Variants in SLC41A1 observed in about 807,000 individuals in gnomAD.
SLC41A1 encodes the protein solute carrier family 41 member 1.
Under a neutral mutation model 47.3 loss-of-function variants are expected in SLC41A1, and 20 were observed. That is an observed-to-expected ratio of 0.42 (90% CI 0.30 to 0.61). SLC41A1 has a LOEUF of 0.61. SLC41A1 is among the 20% of genes least tolerant of loss of function. The pLI, the probability that SLC41A1 is intolerant of heterozygous loss-of-function variation, is 0.17. For synonymous variants in SLC41A1, 282 were observed against 272.7 expected, an observed-to-expected ratio of 1.03 and a Z score of -0.34; for missense variants, 504 against 674.1, an observed-to-expected ratio of 0.75 and a Z score of 2.79.
At chr1:205,793,728 T>C (rs993149830) in intron 10 of SLC41A1, among the ~76,000 whole-genome samples, 1 of 152,086 alleles carries the variant, frequency 6.6e-6, no homozygotes, top group Non-Finnish European at 1.5e-5. Flanking sequence ...TAAACTTAAA[T>C]GAAAAATGCA....
intron 10 of SLC41A1, among the ~76,000 whole-genome samples, chr1:205,794,415 G>C (rs963915527): frequency 7.2e-5 from 11 of 152,164 alleles, no homozygotes; most frequent in Non-Finnish European, 1.5e-4. Flanking sequence ...GAATGGCAAG[G>C]CTACACAGGA....
chr1:205,800,490 A>G (rs1655854193), intron 3 of SLC41A1, among the ~76,000 whole-genome samples: 1 of 152,154 alleles, frequency 6.6e-6, no homozygotes, highest in Non-Finnish European at 1.5e-5. Context: ...CTGTTTCCTT[A>G]AAGAAGAGCA....
rs776783815 is a variant in SLC41A1 at position 205,798,042 on chromosome 1, C to G, written c.854G>C (p.Arg285Pro). ...AGCACACACCAGTGGGTAGATGTATCGCCAGTGATCTGAGAGGGCAGAGGT... is the reference window on the plus strand; with the variant it reads ...AGCACACACCAGTGGGTAGATGTATGGCCAGTGATCTGAGAGGGCAGAGGT... ...WGLYLELNHW[R>P]YIYPLVCAFF... Residue 285 changes from arginine (R) to proline (P), a missense_variant, in exon 7 of 11, where the codon CGA becomes CCA. Coordinates refer to ENST00000367137, the MANE Select transcript of SLC41A1 (RefSeq NM_173854.6). The G allele has an allele frequency of 1.2e-6, 2 of 1,614,014 alleles. No homozygotes were observed. The highest frequency in any genetic ancestry group is 1.3e-5 in the African/African-American group (1 of 74,900).
chr1:205,793,812 C>T (rs1344967319), intron 10 of SLC41A1, among the ~76,000 whole-genome samples: 2 of 151,980 alleles, frequency 1.3e-5, no homozygotes, highest in African/African-American at 4.8e-5. Context: ...TATATGTTTA[C>T]TTTTATAAAT....
In SLC41A1 at chr1:205,791,776, G is replaced by A; in HGVS notation, c.1357-58C>T. The stretch of plus-strand genomic sequence containing the variant: ...TCCTCTCTCTCCAGGGGGAGCCAGA[G>A]GCCACATGATCAGACCCATTCAGTG... On this transcript the variant is annotated intron_variant, in intron 10 of 10. Coordinates refer to ENST00000367137, the MANE Select transcript of SLC41A1 (RefSeq NM_173854.6). The surrounding 1 kb of genome is among the most constrained non-coding windows in gnomAD (Gnocchi z 4.0). 2 of 1,595,106 alleles carry A rather than the reference G, an allele frequency of 1.3e-6. No homozygotes were observed. Among genetic ancestry groups the A allele is most frequent in the Admixed American group, 1.7e-5 (1 of 58,018 alleles).
intron 3 of SLC41A1, among the ~76,000 whole-genome samples, chr1:205,800,173 T>G (rs949280586): frequency 1.3e-5 from 2 of 152,176 alleles, no homozygotes; most frequent in Non-Finnish European, 2.9e-5. Flanking sequence ...AGTCCCTGAC[T>G]CTGAAGCCAG....
At chr1:205,809,122 T>C (rs1558083888) in intron 2 of SLC41A1, among the ~76,000 whole-genome samples, 1 of 152,244 alleles carries the variant, frequency 6.6e-6, no homozygotes, top group Admixed American at 6.5e-5. Flanking sequence ...AGGAATTTGA[T>C]ACACATTGCT....
At chr1:205,801,731 G>C (rs1001419287) in intron 2 of SLC41A1, among the ~76,000 whole-genome samples, 18 of 152,328 alleles carry the variant, frequency 1.2e-4, no homozygotes, top group African/African-American at 4.3e-4. Flanking sequence ...ACTCCTGTAG[G>C]AAGAGCCCTG....
intron 2 of SLC41A1, among the ~76,000 whole-genome samples, chr1:205,803,841 G>A (rs1655948365): frequency 1.3e-5 from 2 of 151,904 alleles, no homozygotes; most frequent in African/African-American, 4.8e-5. Flanking sequence ...GGCTGGTCTC[G>A]AACTCCTGGG....
chr1:205,809,128 T>C (rs1402614012), intron 2 of SLC41A1, among the ~76,000 whole-genome samples: 1 of 152,228 alleles, frequency 6.6e-6, no homozygotes, highest in East Asian at 1.9e-4. Flanking sequence ...TTGATACACA[T>C]TGCTGAATTA....
At chr1:205,800,229 A>G (rs951872934) in intron 3 of SLC41A1, among the ~76,000 whole-genome samples, 2 of 152,216 alleles carry the variant, frequency 1.3e-5, no homozygotes, top group African/African-American at 4.8e-5. Context: ...TGCAGGACTG[A>G]GGCTCCAAGA....
intron 2 of SLC41A1, among the ~76,000 whole-genome samples, chr1:205,804,852 T>C (rs1053667497): frequency 2.6e-5 from 4 of 152,176 alleles, no homozygotes; most frequent in African/African-American, 7.2e-5. Context: ...GTACATGTAC[T>C]CATAGAAAGA....
rs183161523 is a variant in SLC41A1 at position 205,802,487 on chromosome 1, C to T, written c.373-1427G>A. Among the ~76,000 whole-genome samples the T allele has an allele frequency of 4.4e-4, 66 of 151,006 alleles. No individual in the cohort carries two copies. In the East Asian group the frequency reaches 0.012, roughly 28 times the overall value. On this transcript the variant is annotated intron_variant, in intron 2 of 10. Transcript: ENST00000367137. ...ATCCCAGCACTTTGGGAGGCCGAGG[C>T]GGGCAGATCACCTGAGGCCAGGAGT... is the stretch of plus-strand genomic sequence containing the variant.
chr1:205,812,723 C>T, intron 1 of SLC41A1, 85 bp downstream of exon 1: 1 of 985,990 alleles, frequency 1.0e-6, no homozygotes, highest in African/African-American at 1.7e-5. Context: ...AGTCTCTCCA[C>T]CACTCAGATT....
intron 2 of SLC41A1, among the ~76,000 whole-genome samples, chr1:205,805,628 A>G (rs1324251442): frequency 1.3e-5 from 2 of 152,178 alleles, no homozygotes; most frequent in East Asian, 3.8e-4. Context: ...ACTACTTCTC[A>G]GAAATGCAGC....
At chr1:205,800,064 C>T (rs1018516355) in intron 3 of SLC41A1, among the ~76,000 whole-genome samples, 1 of 152,196 alleles carries the variant, frequency 6.6e-6, no homozygotes, top group Non-Finnish European at 1.5e-5. Context: ...CCTAGGCAGT[C>T]GCCTCTCTTC....
At chr1:205,798,353 C>A (rs897124141) in intron 6 of SLC41A1, among the ~76,000 whole-genome samples, 1 of 152,124 alleles carries the variant, frequency 6.6e-6, no homozygotes. Context: ...CATCTCCCAC[C>A]CGCTTCTTCA....
In SLC41A1 at chr1:205,791,652, C is replaced by T; in HGVS notation, c.1423G>A (p.Asp475Asn). The change falls in exon 11 of 11, where the codon GAC becomes AAC. Residue 475 changes from aspartate (D) to asparagine (N), a missense_variant. Asp to Asn is a conservative substitution (Grantham distance 23). Around this residue, in one of 2 missense-constraint regions of SLC41A1, gnomAD observed 421 missense variants for 601.6 expected, o/e 0.70. Transcript: ENST00000367137. The surrounding 1 kb of genome is among the most constrained non-coding windows in gnomAD (Gnocchi z 4.0). ...GTCAAGTATGGGATGGAGAAGTTGT[C>T]CGGGTCCAGGCCCCGGCCCCACATC... ...HWMWGRGLDP[D>N]NFSIPYLTAL... 6.2e-7 allele frequency: 1 copy of T among 1,614,088 alleles called. No individual in the cohort carries two copies. The highest frequency in any genetic ancestry group is 8.5e-7 in the Non-Finnish European group (1 of 1,180,014).
chr1:205,805,771 A>T (rs2102509075), intron 2 of SLC41A1, among the ~76,000 whole-genome samples: 1 of 152,222 alleles, frequency 6.6e-6, no homozygotes, highest in East Asian at 1.9e-4. Context: ...TTAAGTCTCG[A>T]TCCTCAGTGG....
Sources: allele counts gnomAD v4.1 joint callset (sites outside exome capture counted in the v4.1 genomes callset), GRCh38; gene constraint gnomAD v4.1.1; regional missense constraint gnomAD v4.1.1; non-coding constraint Gnocchi (gnomAD v3.1); transcripts MANE v1.5; gene names NCBI Gene and HGNC (gene_info 2026-07-23, HGNC 2026-07-21).